Variants in NPAS2 observed in about 807,000 individuals in gnomAD.
NPAS2 encodes neuronal PAS domain protein 2, also known as neuronal PAS domain-containing protein 2.
Under a neutral mutation model 107.5 loss-of-function variants are expected in NPAS2, and 23 were observed. The ratio of observed to expected loss-of-function variants is 0.21; its 90% confidence interval spans 0.15 to 0.30. The LOEUF (loss-of-function observed/expected upper bound fraction) is 0.30. NPAS2 is among the 10% of genes least tolerant of loss of function. NPAS2 has a pLI of 1.00. For synonymous variants in NPAS2, 403 were observed against 417.5 expected (o/e 0.97, Z 0.42); for missense variants, 756 against 1,043.3 (o/e 0.72, Z 3.79).
chr2:100,935,007 C>T, intron 4 of NPAS2: 1 of 985,398 alleles, frequency 1.0e-6, no homozygotes, highest in Non-Finnish European at 1.2e-6. Context: ...CCGTCTTCTT[C>T]CCTCTTCTCT....
intron 1 of NPAS2, among the ~76,000 whole-genome samples, chr2:100,866,139 A>G (rs972675756): frequency 1.3e-5 from 2 of 152,148 alleles, no homozygotes; most frequent in East Asian, 3.9e-4. Context: ...GTGAGGCCTG[A>G]AAGATTGGAA....
intron 20 of NPAS2, chr2:100,994,820 A>C (rs1343433315): frequency 6.6e-6 from 1 of 152,452 alleles, no homozygotes; most frequent in African/African-American, 2.4e-5. Context: ...CTTTGAGAGC[A>C]GGGGGGTGCT....
intron 12 of NPAS2, 54 bp downstream of exon 12, chr2:100,971,128 C>A: frequency 6.7e-7 from 1 of 1,503,458 alleles, no homozygotes; most frequent in South Asian, 1.1e-5. Flanking sequence ...GAAGAAAATG[C>A]AGCCAACCAG....
chr2:100,840,593 C>T (rs541182206), intron 1 of NPAS2, among the ~76,000 whole-genome samples: 114 of 145,160 alleles, frequency 7.9e-4, no homozygotes, highest in African/African-American at 2.7e-3. Flanking sequence ...ATCTTCTCTC[C>T]ACAGCCCCCA....
rs1681594319 is a variant in NPAS2 at position 100,898,857 on chromosome 2, C to T, written c.-22-5876C>T. On this transcript the variant is annotated intron_variant, in intron 1 of 20. Coordinates refer to ENST00000335681, the MANE Select transcript of NPAS2 (RefSeq NM_002518.4). ...GCATATTACATGTAAATGTAACTAA[C>T]ATACCTCTTATGAGTGAGTTTATCG... 2.0e-5 allele frequency among the ~76,000 whole-genome samples: 3 copies of T among 151,428 alleles called. No individual in the cohort carries two copies. The South Asian group carries it at 6.2e-4, about 31-fold the overall frequency.
chr2:100,982,213 T>C lies in NPAS2; in HGVS notation c.1483-18T>C. 6.2e-7 allele frequency: 1 copy of C among 1,613,958 alleles called. No homozygotes were observed. The highest frequency in any genetic ancestry group is 8.5e-7 in the Non-Finnish European group (1 of 1,179,918). The stretch of plus-strand genomic sequence containing the variant: ...ATAACTCTTTCATCTGATTATGTTT[T>C]TCGGCTCCACCTTGAAGTTTTCGGC... On this transcript the variant is annotated intron_variant, in intron 15 of 20. Coordinates refer to ENST00000335681, the MANE Select transcript of NPAS2 (RefSeq NM_002518.4).
intron 1 of NPAS2, among the ~76,000 whole-genome samples, chr2:100,835,093 T>C (rs1388053428): frequency 6.6e-6 from 1 of 152,178 alleles, no homozygotes; most frequent in East Asian, 1.9e-4. Flanking sequence ...GGGGGGACCC[T>C]GTGTTCGACA....
intron 2 of NPAS2, among the ~76,000 whole-genome samples, chr2:100,908,560 G>A (rs888190302): frequency 6.6e-6 from 1 of 152,148 alleles, no homozygotes; most frequent in African/African-American, 2.4e-5. Context: ...TTCCCAAGGG[G>A]TAGAGAAAAT....
At chr2:100,870,772 C>A (rs1679534371) in intron 1 of NPAS2, among the ~76,000 whole-genome samples, 1 of 152,152 alleles carries the variant, frequency 6.6e-6, no homozygotes, top group South Asian at 2.1e-4. Context: ...GGGCACACAC[C>A]CCCAACCAGC....
chr2:100,974,263 T>C (rs1168496874), intron 12 of NPAS2, among the ~76,000 whole-genome samples: 1 of 152,176 alleles, frequency 6.6e-6, no homozygotes, highest in Non-Finnish European at 1.5e-5. Context: ...AGCAGAGACA[T>C]CCTGGGAGCC....
At chr2:100,980,512 C>T (rs891285234) in intron 15 of NPAS2, among the ~76,000 whole-genome samples, 2 of 151,950 alleles carry the variant, frequency 1.3e-5, no homozygotes, top group African/African-American at 4.8e-5. Context: ...CTCTGTTGCC[C>T]AGGCTGGAGT....
chr2:100,865,494 G>A (rs534583631), intron 1 of NPAS2, among the ~76,000 whole-genome samples: 9 of 152,256 alleles, frequency 5.9e-5, no homozygotes, highest in East Asian at 5.8e-4. Context: ...TTCCCTGACC[G>A]GTGACTGCTG....
chr2:100,971,179 A>C lies in NPAS2; in HGVS notation c.1140+105A>C, dbSNP rs979385002. ...TTTCTTTTCATCAATGGAAGGGTAC[A>C]ACCAAGCTATTCAGGAGGCTGAGGT... On this transcript the variant is annotated intron_variant, in intron 12 of 20. Transcript: ENST00000335681. The C allele has an allele frequency of 3.8e-6, 4 of 1,049,332 alleles. No individual in the cohort carries two copies. In the Admixed American group the frequency reaches 8.2e-5, roughly 22 times the overall value. The allele number at this position is 1,049,332 out of a possible 1,614,324, so 65.0% of individuals were successfully genotyped here.
chr2:100,961,301 C>T (rs981445032), intron 7 of NPAS2, among the ~76,000 whole-genome samples: 1 of 152,176 alleles, frequency 6.6e-6, no homozygotes, highest in Non-Finnish European at 1.5e-5. Flanking sequence ...ACTCGTGCTG[C>T]AGGAAAAAGT....
At chr2:100,959,110 C>A (rs5832944) in intron 7 of NPAS2, among the ~76,000 whole-genome samples, 13,065 of 68,618 alleles carry the variant, frequency 0.19, 1,177 homozygotes, top group East Asian at 0.49. Context: ...AAAAAAAAAA[C>A]AAAACTAAAA....
intron 1 of NPAS2, among the ~76,000 whole-genome samples, chr2:100,854,158 C>CAAA (rs70943046): frequency 0.033 from 1,936 of 59,056 alleles, no homozygotes; most frequent in Non-Finnish European, 0.037. Flanking sequence ...CCTGCCTCAA[C>CAAA]AAAAAAAAAA....
At chr2:100,872,992 G>T (rs1679671165) in intron 1 of NPAS2, among the ~76,000 whole-genome samples, 1 of 151,818 alleles carries the variant, frequency 6.6e-6, no homozygotes, top group African/African-American at 2.4e-5. Flanking sequence ...ATGAATAAAT[G>T]AATGCCAGTT....
Position 100,911,585 on chromosome 2 carries a change from T to TGTTAATATTATA in NPAS2, c.32+6801_32+6812dup, listed in dbSNP as rs1197940704. Among the ~76,000 whole-genome samples, 3 of 152,020 alleles carry TGTTAATATTATA rather than the reference T, an allele frequency of 2.0e-5. No homozygotes were observed. In the East Asian group the frequency reaches 5.8e-4, roughly 29 times the overall value. On this transcript the variant is annotated intron_variant, in intron 2 of 20. Transcript: ENST00000335681. The stretch of plus-strand genomic sequence containing the variant: ...AATCATACCACCTGGAGATAGCCAC[T>TGTTAATATTATA]GTTAATATTATAGCATATTCTCTGT...
intron 1 of NPAS2, chr2:100,878,761 A>G: frequency 3.7e-6 from 1 of 273,786 alleles, no homozygotes; most frequent in South Asian, 1.4e-4. Context: ...AGTCCAAATA[A>G]TATAACCTGG....
Sources: allele counts gnomAD v4.1 joint callset (sites outside exome capture counted in the v4.1 genomes callset), GRCh38; gene constraint gnomAD v4.1.1; transcripts MANE v1.5; gene names NCBI Gene and HGNC (gene_info 2026-07-23, HGNC 2026-07-21).